HYAL4: variants seen among roughly 807,000 people sequenced by gnomAD.
HYAL4 encodes the protein hyaluronidase-4.
Under a neutral mutation model 35.2 loss-of-function variants are expected in HYAL4, and 37 were observed. The ratio of observed to expected loss-of-function variants is 1.05; its 90% CI spans 0.81 to 1.38. The LOEUF (loss-of-function observed/expected upper bound fraction) is 1.38, where lower values mean the gene tolerates loss of function less well. Among genes scored for constraint, HYAL4 ranks in the 40% most tolerant of loss-of-function variants. The pLI is 0.00. For synonymous variants in HYAL4, 198 were observed against 203.2 expected (o/e 0.97, Z 0.22); for missense variants, 572 against 572.4 (o/e 1.00, Z 0.01).
At chr7:123,777,440 A>C in the HYAL4 span, among the ~76,000 whole-genome samples, 1 of 152,208 alleles carries the variant, frequency 6.6e-6, no homozygotes, top group African/African-American at 2.4e-5. Context: ...TAGAAAATTA[A>C]AAATTATACA....
intron 2 of HYAL4, among the ~76,000 whole-genome samples, chr7:123,854,147 A>C (rs904420406): frequency 3.3e-5 from 5 of 151,918 alleles, no homozygotes; most frequent in Admixed American, 6.6e-5. Flanking sequence ...CTAGCAGTCT[A>C]TTTTGCTAAC....
At chr7:123,822,821 C>G in the HYAL4 span, among the ~76,000 whole-genome samples, 1 of 152,088 alleles carries the variant, frequency 6.6e-6, no homozygotes, top group Admixed American at 6.6e-5. Flanking sequence ...AAAAACTAGC[C>G]AGGTGTGTTG....
upstream of HYAL4, chr7:123,844,125 C>T (rs1338550277): frequency 6.6e-6 from 1 of 152,060 alleles, no homozygotes; most frequent in Non-Finnish European, 1.5e-5. Flanking sequence ...TTCTCCCCAT[C>T]TTTGTGGTTA....
the HYAL4 span, among the ~76,000 whole-genome samples, chr7:123,796,358 A>G: frequency 0.011 from 1,647 of 152,332 alleles, 31 homozygotes; most frequent in African/African-American, 0.037. Context: ...AAATGTTTTT[A>G]AAGAAACATT....
chr7:123,819,759 C>T, the HYAL4 span, among the ~76,000 whole-genome samples: 4 of 152,090 alleles, frequency 2.6e-5, no homozygotes, highest in East Asian at 1.9e-4. Context: ...ATAAAACCTC[C>T]TCTGCAGGAT....
the HYAL4 span, among the ~76,000 whole-genome samples, chr7:123,774,998 A>G: frequency 6.6e-6 from 1 of 152,248 alleles, no homozygotes; most frequent in African/African-American, 2.4e-5. Flanking sequence ...CAAGAAACTT[A>G]AGAGCAGGGA....
intron 2 of HYAL4, among the ~76,000 whole-genome samples, chr7:123,861,108 G>A (rs1194934688): frequency 2.0e-5 from 3 of 152,080 alleles, no homozygotes; most frequent in African/African-American, 7.2e-5. Context: ...AGGATCTAGG[G>A]AACTGGGATC....
At chr7:123,855,718 G>A (rs1208454620) in intron 2 of HYAL4, among the ~76,000 whole-genome samples, 1 of 152,064 alleles carries the variant, frequency 6.6e-6, no homozygotes, top group Non-Finnish European at 1.5e-5. Context: ...GGTGGTTTCT[G>A]TATTTCCTGA....
intron 3 of HYAL4, among the ~76,000 whole-genome samples, chr7:123,872,664 C>A (rs1174311515): frequency 6.6e-6 from 1 of 152,196 alleles, no homozygotes; most frequent in Non-Finnish European, 1.5e-5. Context: ...AATGTGACAA[C>A]ACCACTGTGG....
intron 1 of HYAL4, among the ~76,000 whole-genome samples, chr7:123,831,257 G>A (rs1028883554): frequency 6.6e-6 from 1 of 152,068 alleles, no homozygotes; most frequent in Non-Finnish European, 1.5e-5. Context: ...CTTCCCCTTT[G>A]ACCTTCTCTG....
the HYAL4 span, among the ~76,000 whole-genome samples, chr7:123,779,947 C>T: frequency 6.6e-6 from 1 of 152,080 alleles, no homozygotes; most frequent in African/African-American, 2.4e-5. Context: ...AACTATCATA[C>T]AATGACAAGT....
At chr7:123,869,437 A>C (rs1041877328) in intron 3 of HYAL4, among the ~76,000 whole-genome samples, 1 of 152,238 alleles carries the variant, frequency 6.6e-6, no homozygotes. Flanking sequence ...CTTAAGGAAC[A>C]AAGTAAGGTG....
the HYAL4 span, among the ~76,000 whole-genome samples, chr7:123,818,406 T>C: frequency 2.0e-5 from 3 of 152,260 alleles, no homozygotes; most frequent in African/African-American, 7.2e-5. Flanking sequence ...TCATACTCAT[T>C]CTCAAGAGTC....
chr7:123,857,679 TTCTTTCTTTC>T (rs1364410097), intron 2 of HYAL4, among the ~76,000 whole-genome samples: 3 of 105,944 alleles, frequency 2.8e-5, no homozygotes, highest in African/African-American at 9.5e-5. Flanking sequence ...GTTTCTTTCT[TTCTTTCTTTC>T]TTTCTTTCTT....
At chr7:123,860,532 A>G (rs1806554872) in intron 2 of HYAL4, among the ~76,000 whole-genome samples, 2 of 152,180 alleles carry the variant, frequency 1.3e-5, no homozygotes, top group African/African-American at 2.4e-5. Flanking sequence ...GACTATTTTA[A>G]TATCTGGTCA....
At chr7:123,857,680 T>C (rs1422317643) in intron 2 of HYAL4, among the ~76,000 whole-genome samples, 14 of 106,254 alleles carry the variant, frequency 1.3e-4, no homozygotes, top group African/African-American at 2.8e-4. Flanking sequence ...TTTCTTTCTT[T>C]CTTTCTTTCT....
In HYAL4 at chr7:123,877,318, C is replaced by G. The variant is rs1807055426; in HGVS notation, c.*163C>G. On this transcript the variant is annotated 3_prime_UTR_variant, in exon 5 of 5. Coordinates refer to ENST00000223026, the MANE Select transcript of HYAL4 (RefSeq NM_012269.3). ...AACAGAAACATTATTTTATTTGCCT[C>G]CAGTCTGGCTAGGAAACCAGATCTG... The G allele has an allele frequency of 1.4e-6, 1 of 710,248 alleles. No homozygotes were observed. The highest frequency in any genetic ancestry group is 2.2e-6 in the Non-Finnish European group (1 of 450,568). 44.0% of individuals were successfully genotyped at this position (710,248 alleles called of 1,614,324 possible). A position where few individuals can be genotyped will look rare whatever the true frequency, so the allele number is the denominator to read the frequency against.
chr7:123,769,627 T>TTCCA, the HYAL4 span, among the ~76,000 whole-genome samples: 1 of 152,116 alleles, frequency 6.6e-6, no homozygotes, highest in Non-Finnish European at 1.5e-5. Context: ...CCAACAGCCC[T>TTCCA]TCCAGCATGG....
chr7:123,809,703 C>G, the HYAL4 span, among the ~76,000 whole-genome samples: 1 of 152,042 alleles, frequency 6.6e-6, no homozygotes, highest in East Asian at 1.9e-4. Flanking sequence ...CCAGCATTTG[C>G]AACATTCTTT....
Sources: allele counts gnomAD v4.1 joint callset (sites outside exome capture counted in the v4.1 genomes callset), GRCh38; gene constraint gnomAD v4.1.1; transcripts MANE v1.5; gene names NCBI Gene and HGNC (gene_info 2026-07-23, HGNC 2026-07-21).